Variants in NPFFR1 observed in about 807,000 individuals in gnomAD.
NPFFR1 encodes neuropeptide FF receptor 1.
Under a neutral mutation model 12.7 loss-of-function variants are expected in NPFFR1, and 17 were observed. The observed-to-expected ratio is 1.34, with a 90% confidence interval of 0.92 to 2.01. The LOEUF (loss-of-function observed/expected upper bound fraction) is 2.01. Ranked by LOEUF, NPFFR1 falls within the 30% of genes most tolerant of loss-of-function variation. The probability of loss-of-function intolerance (pLI) is 0.00; values close to 1 mark genes in which losing one functional copy is unlikely to be tolerated. For synonymous variants in NPFFR1, 296 were observed against 264.5 expected (o/e 1.12, Z -1.16); for missense variants, 604 against 606.5 (o/e 1.00, Z 0.04).
chr10:70,264,835 T>C (rs960020701), intron 2 of NPFFR1, among the ~76,000 whole-genome samples: 1 of 152,240 alleles, frequency 6.6e-6, no homozygotes, highest in Non-Finnish European at 1.5e-5. Context: ...TTGAATCATC[T>C]GAATGTTTTA....
At position 70,255,967 on chromosome 10, in the gene NPFFR1, G is replaced by A; in HGVS notation, c.423-140C>T. The A allele has an allele frequency of 1.1e-6, 1 of 874,044 alleles. No homozygotes were observed. The highest frequency in any genetic ancestry group is 1.7e-6 in the Non-Finnish European group (1 of 581,064). The allele number at this position is 874,044 out of a possible 1,614,324, so 54.1% of individuals were successfully genotyped here. A position where few individuals can be genotyped will look rare whatever the true frequency, so the allele number is the denominator to read the frequency against. On this transcript the variant is annotated intron_variant, in intron 3 of 3. Transcript: ENST00000277942. The surrounding 1 kb of genome is among the most constrained non-coding windows in gnomAD (Gnocchi z 4.2). ...AGAACAGCTCAGACCTGAATTGGCT[G>A]AGTAGTCAAAGAACAAAGGCAGCTA...
At chr10:70,256,888 T>A (rs1308106847) in intron 3 of NPFFR1, among the ~76,000 whole-genome samples, 1 of 152,216 alleles carries the variant, frequency 6.6e-6, no homozygotes, top group African/African-American at 2.4e-5. Flanking sequence ...ACAAAACCCG[T>A]GCCTATTTTT....
intron 3 of NPFFR1, among the ~76,000 whole-genome samples, chr10:70,259,943 T>G (rs1204915125): frequency 6.6e-6 from 1 of 152,182 alleles, no homozygotes; most frequent in Non-Finnish European, 1.5e-5. Context: ...CTGATCTGCC[T>G]GCCCACCTTT....
chr10:70,272,211 G>GGAAAGAAAGAAAGAAAGAAA (rs1554833493), intron 1 of NPFFR1, among the ~76,000 whole-genome samples: 2 of 55,822 alleles, frequency 3.6e-5, no homozygotes, highest in Non-Finnish European at 6.9e-5. Flanking sequence ...AAGAAAGAAA[G>GGAAAGAAAGAAAGAAAGAAA]GAAAGAAAGA....
intron 2 of NPFFR1, 36 bp from the exon 3 acceptor site, chr10:70,260,775 C>T (rs1397013311): frequency 2.6e-6 from 4 of 1,531,656 alleles, no homozygotes; most frequent in Non-Finnish European, 2.7e-6. Flanking sequence ...GTGAGAGATG[C>T]CCACGCATCA....
intron 1 of NPFFR1, among the ~76,000 whole-genome samples, chr10:70,274,557 G>A (rs995459907): frequency 1.3e-5 from 2 of 152,162 alleles, no homozygotes; most frequent in African/African-American, 4.8e-5. Context: ...TTAAAGGGAG[G>A]TATAGTTAGT....
chr10:70,270,151 T>C (rs1275086529), intron 1 of NPFFR1, among the ~76,000 whole-genome samples: 1 of 152,192 alleles, frequency 6.6e-6, no homozygotes, highest in Admixed American at 6.5e-5. Flanking sequence ...TGTCAGTGCC[T>C]GCCCAAAGTA....
intron 2 of NPFFR1, 63 bp downstream of exon 2, chr10:70,266,014 C>A: frequency 6.9e-7 from 1 of 1,457,320 alleles, no homozygotes; most frequent in Non-Finnish European, 9.5e-7. Context: ...TGATTTCCAG[C>A]CTTATCTGAG....
chr10:70,267,931 C>T (rs1211034063), intron 1 of NPFFR1, among the ~76,000 whole-genome samples: 1 of 152,096 alleles, frequency 6.6e-6, no homozygotes, highest in Non-Finnish European at 1.5e-5. Context: ...TTCCTGTGCC[C>T]GATGAGAGAT....
At chr10:70,273,115 A>ACT (rs982339399) in intron 1 of NPFFR1, among the ~76,000 whole-genome samples, 1 of 152,092 alleles carries the variant, frequency 6.6e-6, no homozygotes, top group African/African-American at 2.4e-5. Context: ...CTTGGCCCTG[A>ACT]CTCATATCAA....
At chr10:70,277,420 C>T (rs1840815190) in intron 1 of NPFFR1, among the ~76,000 whole-genome samples, 1 of 152,128 alleles carries the variant, frequency 6.6e-6, no homozygotes, top group Admixed American at 6.5e-5. Flanking sequence ...GTGGGCAGCC[C>T]CAGGATGATG....
chr10:70,261,176 T>A (rs1840629586), intron 2 of NPFFR1, among the ~76,000 whole-genome samples: 1 of 151,732 alleles, frequency 6.6e-6, no homozygotes, highest in African/African-American at 2.4e-5. Context: ...ATCGTGGGAG[T>A]GGTTTCCTCC....
chr10:70,261,816 C>G (rs1340157594), intron 2 of NPFFR1, among the ~76,000 whole-genome samples: 1 of 151,962 alleles, frequency 6.6e-6, no homozygotes, highest in African/African-American at 2.4e-5. Context: ...GGGTCTCGCT[C>G]TGTCACTGAG....
At chr10:70,261,230 G>A (rs890749479) in intron 2 of NPFFR1, among the ~76,000 whole-genome samples, 1 of 152,082 alleles carries the variant, frequency 6.6e-6, no homozygotes, top group Non-Finnish European at 1.5e-5. Flanking sequence ...CACGAGATCT[G>A]ATGGTTTTAT....
Position 70,283,725 on chromosome 10 carries a change from G to A in NPFFR1, c.-49C>T, listed in dbSNP as rs372700299. The A allele has an allele frequency of 4.6e-6, 7 of 1,531,108 alleles. No homozygotes were observed. In the East Asian group the frequency reaches 7.3e-5, roughly 16 times the overall value. 94.8% of individuals were successfully genotyped at this position (1,531,108 alleles called of 1,614,324 possible). On this transcript the variant is annotated 5_prime_UTR_variant, in exon 1 of 4. Coordinates refer to ENST00000277942, the MANE Select transcript of NPFFR1 (RefSeq NM_022146.5). ...GCGGTCTCCGATGGCGGGAGGCAGC[G>A]GGCCCCTTCGGGCCAGCGGGCAGAG...
chr10:70,281,572 G>A (rs766597581), intron 1 of NPFFR1, among the ~76,000 whole-genome samples: 20 of 152,040 alleles, frequency 1.3e-4, no homozygotes, highest in Admixed American at 4.6e-4. Flanking sequence ...ACCTCTTTGC[G>A]TATACACTTG....
At position 70,260,747 on chromosome 10, in the gene NPFFR1, G is replaced by C; in HGVS notation, c.323-8C>G. 1 of 1,584,434 alleles carries C rather than the reference G, an allele frequency of 6.3e-7. No individual in the cohort carries two copies. The highest frequency in any genetic ancestry group is 8.6e-7 in the Non-Finnish European group (1 of 1,165,006). On this transcript the variant is annotated splice_region_variant and splice_polypyrimidine_tract_variant and intron_variant, in intron 2 of 3. Transcript: ENST00000277942. ...CATTGTCGAAGGGCCACCCTGCAAT[G>C]ACAGAGGCCCCCACAGAGTGAGAGA...
Position 70,280,275 on chromosome 10 carries a change from G to T in NPFFR1, c.7+3395C>A, listed in dbSNP as rs10823511. 2.5e-3 allele frequency among the ~76,000 whole-genome samples: 386 copies of T among 152,122 alleles called. 5 individuals are homozygous for T. Among genetic ancestry groups the T allele is most frequent in the African/African-American group, 8.7e-3 (362 of 41,508 alleles). ...ACTTGCTGGATCATATGGTAATTCC[G>T]TTTTTAGCTTTTTGAGGAACCTCCA... On this transcript the variant is annotated intron_variant, in intron 1 of 3. Coordinates refer to ENST00000277942, the MANE Select transcript of NPFFR1 (RefSeq NM_022146.5).
In NPFFR1 at chr10:70,260,755, C is replaced by A. The variant is rs754210121; in HGVS notation, c.323-16G>T. 1.3e-6 allele frequency: 2 copies of A among 1,553,088 alleles called. No individual in the cohort carries two copies. The highest frequency in any genetic ancestry group is 2.8e-5 in the East Asian group (1 of 36,224). ...AAGGGCCACCCTGCAATGACAGAGG[C>A]CCCCACAGAGTGAGAGATGCCCACG... On this transcript the variant is annotated splice_polypyrimidine_tract_variant and intron_variant, in intron 2 of 3. Transcript: ENST00000277942.
Sources: gnomAD v4.1 joint callset for allele counts (sites outside exome capture counted in the v4.1 genomes callset) on GRCh38, gnomAD v4.1.1 for gene constraint, Gnocchi (gnomAD v3.1) non-coding constraint, MANE v1.5 for transcripts, NCBI Gene and HGNC (gene_info 2026-07-23, HGNC 2026-07-21) for gene names.